The following CACNG2 variants were observed in gnomAD, a reference collection of about 807,000 sequenced individuals.
CACNG2 encodes calcium voltage-gated channel auxiliary subunit gamma 2.
In CACNG2, 3 loss-of-function variants were observed where a neutral mutation model predicts 25.9. The observed-to-expected ratio is 0.12, with a 90% CI of 0.05 to 0.30. The LOEUF is 0.30. CACNG2 is among the 10% of genes least tolerant of loss of function. The probability of loss-of-function intolerance (pLI) is 1.00; values close to 1 mark genes in which losing one functional copy is unlikely to be tolerated. For synonymous variants in CACNG2, 167 were observed against 173.3 expected (o/e 0.96, Z 0.29); for missense variants, 341 against 432.5 (o/e 0.79, Z 1.88).
intron 1 of CACNG2, among the ~76,000 whole-genome samples, chr22:36,626,662 G>A (rs1467905708): frequency 2.0e-5 from 3 of 152,160 alleles, no homozygotes; most frequent in South Asian, 2.1e-4. Flanking sequence ...AAAGAGTCGA[G>A]TCATATTTTG....
At chr22:36,661,283 C>T (rs1936790745) in intron 1 of CACNG2, among the ~76,000 whole-genome samples, 2 of 152,238 alleles carry the variant, frequency 1.3e-5, no homozygotes, top group South Asian at 4.1e-4. Context: ...GCAACATTTA[C>T]ATGCAGCCTC....
At chr22:36,647,916 C>T (rs1191723624) in intron 1 of CACNG2, among the ~76,000 whole-genome samples, 1 of 152,218 alleles carries the variant, frequency 6.6e-6, no homozygotes, top group African/African-American at 2.4e-5. Flanking sequence ...TATGTCTAAG[C>T]TCCATGAAAG....
intron 3 of CACNG2, among the ~76,000 whole-genome samples, chr22:36,566,097 G>A (rs978722366): frequency 2.0e-5 from 3 of 152,222 alleles, no homozygotes; most frequent in Admixed American, 6.5e-5. Flanking sequence ...GAGAGGAAGC[G>A]GGCATTTGGG....
chr22:36,610,636 G>T (rs1336071928), intron 1 of CACNG2, among the ~76,000 whole-genome samples: 4 of 152,192 alleles, frequency 2.6e-5, no homozygotes. Flanking sequence ...GACCCCCAAA[G>T]CCAGCCTGTC....
intron 1 of CACNG2, among the ~76,000 whole-genome samples, chr22:36,689,791 G>A (rs1361930662): frequency 2.0e-5 from 3 of 152,260 alleles, no homozygotes; most frequent in African/African-American, 7.2e-5. Flanking sequence ...ATGCCACGTG[G>A]CTGGCCACCA....
intron 2 of CACNG2, among the ~76,000 whole-genome samples, chr22:36,567,243 A>C (rs73169700): frequency 0.026 from 3,892 of 152,360 alleles, 130 homozygotes; most frequent in Admixed American, 0.089. Context: ...TCTGGTGTCT[A>C]TAATAAACAT....
intron 1 of CACNG2, among the ~76,000 whole-genome samples, chr22:36,660,982 A>G (rs1325514417): frequency 6.6e-6 from 1 of 152,238 alleles, no homozygotes; most frequent in Non-Finnish European, 1.5e-5. Context: ...GGCTTGGTGT[A>G]CTGTGGGCAT....
At chr22:36,700,243 A>T (rs1324585103) in intron 1 of CACNG2, among the ~76,000 whole-genome samples, 1 of 152,282 alleles carries the variant, frequency 6.6e-6, no homozygotes, top group East Asian at 1.9e-4. Flanking sequence ...GGGGGTGGGC[A>T]GCACATTTGG....
chr22:36,593,347 C>G (rs1935625772), intron 1 of CACNG2, among the ~76,000 whole-genome samples: 1 of 152,188 alleles, frequency 6.6e-6, no homozygotes, highest in South Asian at 2.1e-4. Flanking sequence ...TGAGCCAGCG[C>G]TCAGCTCCCC....
At chr22:36,685,074 C>T (rs975507268) in intron 1 of CACNG2, among the ~76,000 whole-genome samples, 1 of 152,190 alleles carries the variant, frequency 6.6e-6, no homozygotes, top group African/African-American at 2.4e-5. Context: ...GCAGCTTCCT[C>T]TCATCGCTCA....
At chr22:36,695,115 C>T (rs2146018200) in intron 1 of CACNG2, among the ~76,000 whole-genome samples, 1 of 152,234 alleles carries the variant, frequency 6.6e-6, no homozygotes, top group Middle Eastern at 3.4e-3. Context: ...ACTTCAAAGA[C>T]TGGGGCGGGA....
chr22:36,592,579 C>T (rs1033205094), intron 1 of CACNG2, among the ~76,000 whole-genome samples: 3 of 152,100 alleles, frequency 2.0e-5, no homozygotes, highest in African/African-American at 4.8e-5. Context: ...ACTGCCTACC[C>T]GGTTAAAATT....
chr22:36,647,372 GATC>G (rs1229462319), intron 1 of CACNG2, among the ~76,000 whole-genome samples: 3 of 152,098 alleles, frequency 2.0e-5, no homozygotes, highest in African/African-American at 7.2e-5. Context: ...AGGGCAGGTG[GATC>G]ACCTGAGGTC....
intron 2 of CACNG2, chr22:36,585,553 C>T (rs1935488238): frequency 6.6e-6 from 1 of 152,242 alleles, no homozygotes; most frequent in African/African-American, 2.4e-5. Context: ...AGTTAAGTTT[C>T]ACTGTAACAC....
At chr22:36,615,570 C>T (rs760094758) in intron 1 of CACNG2, among the ~76,000 whole-genome samples, 94 of 152,302 alleles carry the variant, frequency 6.2e-4, no homozygotes, top group Admixed American at 1.5e-3. Context: ...ATTCTCTGTT[C>T]CCCCAGCTGG....
At position 36,687,579 on chromosome 22, in the gene CACNG2, A is replaced by G. The variant is rs566779155; in HGVS notation, c.211+14787T>C. 8.5e-4 allele frequency among the ~76,000 whole-genome samples: 129 copies of G among 152,344 alleles called. 1 individual carries two copies. Among genetic ancestry groups the G allele is most frequent in the Non-Finnish European group, 1.2e-4 (8 of 68,038 alleles). ...AGACATTCCCTGTGGTCGGCAGAAT[A>G]ACAGCCTCCCAAAGATGTCCACATC... On this transcript the variant is annotated intron_variant, in intron 1 of 3. Coordinates refer to ENST00000300105, the MANE Select transcript of CACNG2 (RefSeq NM_006078.5).
rs146247036 is a variant in CACNG2, at chr22:36,605,620, T to A, written c.212-18072A>T. Among the ~76,000 whole-genome samples, 676 of 152,338 alleles carry A rather than the reference T, an allele frequency of 4.4e-3. 2 individuals carry two copies. Among genetic ancestry groups the A allele is most frequent in the Middle Eastern group, 0.01 (3 of 294 alleles). On this transcript the variant is annotated intron_variant, in intron 1 of 3. Coordinates refer to ENST00000300105, the MANE Select transcript of CACNG2 (RefSeq NM_006078.5). ...CCTCCACTGTAAAATGAGGAGTCAG[T>A]TAAACTTCTGTCATAGAGTTGTGAG...
At chr22:36,604,575 C>T (rs1024588677) in intron 1 of CACNG2, among the ~76,000 whole-genome samples, 20 of 152,168 alleles carry the variant, frequency 1.3e-4, no homozygotes, top group Admixed American at 1.2e-3. Context: ...ACAACCACCC[C>T]AACCTTCAGC....
intron 1 of CACNG2, among the ~76,000 whole-genome samples, chr22:36,637,923 G>A (rs1936381831): frequency 6.6e-6 from 1 of 152,096 alleles, no homozygotes; most frequent in Non-Finnish European, 1.5e-5. Flanking sequence ...TCAGGAGGCT[G>A]AGGCAGGAGA....
Sources: gnomAD v4.1 joint callset for allele counts (sites outside exome capture counted in the v4.1 genomes callset) on GRCh38, gnomAD v4.1.1 for gene constraint, MANE v1.5 for transcripts, NCBI Gene and HGNC (gene_info 2026-07-23, HGNC 2026-07-21) for gene names.